The following DNAJB14 variants were observed in gnomAD, a reference collection of about 807,000 sequenced individuals.
DNAJB14 encodes the protein dnaJ homolog subfamily B member 14.
In DNAJB14, 22 loss-of-function variants were observed where a neutral mutation model predicts 48.4. The observed-to-expected ratio is 0.45, with a 90% CI of 0.32 to 0.65. The LOEUF (loss-of-function observed/expected upper bound fraction) is 0.65, where lower values mean the gene tolerates loss of function less well. DNAJB14 is among the 30% of genes least tolerant of loss of function. The pLI is 0.03. For missense variants in DNAJB14, 319 were observed against 458.8 expected (o/e 0.70, Z 2.78); for synonymous variants, 142 against 158.7 (o/e 0.89, Z 0.79).
intron 1 of DNAJB14, among the ~76,000 whole-genome samples, chr4:99,939,876 A>G (rs2110224522): frequency 6.6e-6 from 1 of 152,362 alleles, no homozygotes; most frequent in South Asian, 2.1e-4. Flanking sequence ...TAGCTATCAC[A>G]TGGGATCTCT....
intron 2 of DNAJB14, chr4:99,928,264 C>T (rs1405374638): frequency 1.3e-5 from 2 of 153,706 alleles, no homozygotes; most frequent in Non-Finnish European, 2.9e-5. Context: ...AAGCTTTCAA[C>T]CTCATCTCTT....
chr4:99,924,952 G>A (rs752276723), intron 2 of DNAJB14: 2 of 646,868 alleles, frequency 3.1e-6, no homozygotes, highest in Non-Finnish European at 5.5e-6. Context: ...CCATTTAAGT[G>A]TGAATACCTG....
intron 1 of DNAJB14, among the ~76,000 whole-genome samples, chr4:99,932,106 G>C (rs747181255): frequency 6.6e-6 from 1 of 152,008 alleles, no homozygotes; most frequent in Non-Finnish European, 1.5e-5. Flanking sequence ...TCATGATGTT[G>C]ATTTAGGCAA....
intron 3 of DNAJB14, 78 bp from the exon 4 acceptor site, chr4:99,908,974 A>G (rs1725563214): frequency 2.8e-6 from 3 of 1,067,380 alleles, no homozygotes; most frequent in Non-Finnish European, 3.9e-6. Flanking sequence ...AACTAACATC[A>G]TGCTGAAAAA....
At chr4:99,933,588 C>T (rs1287340168) in intron 1 of DNAJB14, among the ~76,000 whole-genome samples, 3 of 151,986 alleles carry the variant, frequency 2.0e-5, no homozygotes, top group Admixed American at 6.6e-5. Context: ...GTGAGCCACA[C>T]GCCTGGCCAA....
At chr4:99,920,596 A>T (rs1726018907) in intron 3 of DNAJB14, among the ~76,000 whole-genome samples, 1 of 152,238 alleles carries the variant, frequency 6.6e-6, no homozygotes, top group Non-Finnish European at 1.5e-5. Flanking sequence ...ATATTTTTTT[A>T]AAATATGTTT....
chr4:99,906,240 A>G, intron 5 of DNAJB14: 1 of 1,323,238 alleles, frequency 7.6e-7, no homozygotes, highest in African/African-American at 1.5e-5. Flanking sequence ...TTCAGGGCCA[A>G]CAATAACAAG....
intron 3 of DNAJB14, among the ~76,000 whole-genome samples, chr4:99,916,773 T>C (rs1725872038): frequency 6.6e-6 from 1 of 152,204 alleles, no homozygotes; most frequent in Admixed American, 6.5e-5. Context: ...GGTGTCATCA[T>C]TTTGTTAGTC....
At chr4:99,905,984 C>T in intron 5 of DNAJB14, 1 of 1,290,496 alleles carries the variant, frequency 7.7e-7, no homozygotes. Flanking sequence ...ACTCCCTCCC[C>T]CCCACACACA....
chr4:99,923,804 G>A (rs1349332706), intron 2 of DNAJB14: 1 of 975,038 alleles, frequency 1.0e-6, no homozygotes, highest in Non-Finnish European at 1.2e-6. Context: ...CTTCCAAAGT[G>A]CTGGGATTAT....
intron 3 of DNAJB14, among the ~76,000 whole-genome samples, chr4:99,916,387 C>T (rs1309058886): frequency 6.6e-6 from 1 of 152,190 alleles, no homozygotes; most frequent in Non-Finnish European, 1.5e-5. Flanking sequence ...ATCCTCCCAC[C>T]TTTGCCTCCC....
chr4:99,944,164 C>T (rs866086261), intron 1 of DNAJB14, among the ~76,000 whole-genome samples: 2 of 152,098 alleles, frequency 1.3e-5, no homozygotes, highest in African/African-American at 4.8e-5. Context: ...CACTAATCAT[C>T]AGAGAAATGC....
At chr4:99,932,300 C>T (rs1378030485) in intron 1 of DNAJB14, among the ~76,000 whole-genome samples, 4 of 151,818 alleles carry the variant, frequency 2.6e-5, no homozygotes, top group African/African-American at 9.7e-5. Flanking sequence ...AGAATTCTTA[C>T]AGTTCAGTAA....
At chr4:99,941,337 C>T (rs897161190) in intron 1 of DNAJB14, among the ~76,000 whole-genome samples, 1 of 152,144 alleles carries the variant, frequency 6.6e-6, no homozygotes, top group Non-Finnish European at 1.5e-5. Flanking sequence ...AATATTACTC[C>T]TAATTTAAAG....
chr4:99,937,992 T>C (rs1453791702), intron 1 of DNAJB14, among the ~76,000 whole-genome samples: 1 of 145,296 alleles, frequency 6.9e-6, no homozygotes, highest in African/African-American at 2.6e-5. Flanking sequence ...GCACGGTGGC[T>C]CACGCCTGTA....
At chr4:99,937,684 C>CCACTA (rs1457062490) in intron 1 of DNAJB14, among the ~76,000 whole-genome samples, 1 of 151,382 alleles carries the variant, frequency 6.6e-6, no homozygotes, top group Non-Finnish European at 1.5e-5. Flanking sequence ...CACGATCATG[C>CCACTA]CACTACACTC....
chr4:99,945,420 G>A (rs1220711841), intron 1 of DNAJB14, among the ~76,000 whole-genome samples: 1 of 152,088 alleles, frequency 6.6e-6, no homozygotes, highest in Non-Finnish European at 1.5e-5. Context: ...TGAATCTATC[G>A]ATAACTTTCT....
intron 6 of DNAJB14, among the ~76,000 whole-genome samples, chr4:99,905,274 G>A (rs1725424786): frequency 6.6e-6 from 1 of 151,942 alleles, no homozygotes; most frequent in Non-Finnish European, 1.5e-5. Flanking sequence ...ATCAATCATT[G>A]CTCTGTCTTT....
intron 1 of DNAJB14, among the ~76,000 whole-genome samples, chr4:99,944,041 A>C (rs1726979462): frequency 1.3e-5 from 2 of 152,156 alleles, no homozygotes; most frequent in Non-Finnish European, 2.9e-5. Flanking sequence ...AACTCAACAA[A>C]AAAAAAACAA....
Sources: allele counts gnomAD v4.1 joint callset (sites outside exome capture counted in the v4.1 genomes callset), GRCh38; gene constraint gnomAD v4.1.1; transcripts MANE v1.5; gene names NCBI Gene and HGNC (gene_info 2026-07-23, HGNC 2026-07-21).